Variants in SHQ1 observed in about 807,000 individuals in gnomAD.
SHQ1 encodes SHQ1, H/ACA ribonucleoprotein assembly factor, also known as protein SHQ1 homolog.
In SHQ1, 49 loss-of-function variants were observed where a neutral mutation model predicts 53.8. The observed-to-expected ratio is 0.91, with a 90% confidence interval of 0.72 to 1.16. The LOEUF (loss-of-function observed/expected upper bound fraction) is 1.16, where lower values mean the gene tolerates loss of function less well. Ranked by LOEUF, SHQ1 falls within the 50% of genes most tolerant of loss-of-function variation. The probability of loss-of-function intolerance (pLI) is 0.00; values close to 1 mark genes in which losing one functional copy is unlikely to be tolerated. For synonymous variants in SHQ1, 243 were observed against 251.0 expected (o/e 0.97, Z 0.30); for missense variants, 738 against 683.1 (o/e 1.08, Z -0.90).
At chr3:72,729,430 T>G in the SHQ1 span, among the ~76,000 whole-genome samples, 1 of 152,110 alleles carries the variant, frequency 6.6e-6, no homozygotes, top group Non-Finnish European at 1.5e-5. Flanking sequence ...CCAGTCCAGA[T>G]AAGGCTGCAT....
At chr3:72,736,792 CAAAAAAA>C in the SHQ1 span, among the ~76,000 whole-genome samples, 1 of 105,320 alleles carries the variant, frequency 9.5e-6, no homozygotes, top group East Asian at 2.4e-4. Flanking sequence ...GACTCCGTTT[CAAAAAAA>C]AAAAAAAAAA....
chr3:72,846,095 A>C (rs763012630), intron 1 of SHQ1: 16 of 918,436 alleles, frequency 1.7e-5, no homozygotes, highest in Non-Finnish European at 2.7e-5. Context: ...CAAAGAGCTT[A>C]GTGGCCGGCA....
At chr3:72,834,300 G>T (rs1169601519) in intron 4 of SHQ1, among the ~76,000 whole-genome samples, 1 of 152,164 alleles carries the variant, frequency 6.6e-6, no homozygotes, top group Non-Finnish European at 1.5e-5. Context: ...AGGCCAAGGC[G>T]GGCGGATCAC....
chr3:72,825,050 C>T (rs914684630), intron 5 of SHQ1, among the ~76,000 whole-genome samples: 6 of 151,986 alleles, frequency 3.9e-5, no homozygotes, highest in South Asian at 2.1e-4. Flanking sequence ...ACCCTCCCAC[C>T]GCAGCCTCCC....
chr3:72,843,752 C>CA (rs111748903), intron 2 of SHQ1, among the ~76,000 whole-genome samples: 3,974 of 152,246 alleles, frequency 0.026, 185 homozygotes, highest in African/African-American at 0.092. Flanking sequence ...CCCACCCCCC[C>CA]ATACCCTACC....
intron 5 of SHQ1, among the ~76,000 whole-genome samples, chr3:72,825,710 G>A (rs1203994302): frequency 1.3e-5 from 2 of 152,130 alleles, no homozygotes; most frequent in African/African-American, 4.8e-5. Flanking sequence ...TTATATTTTA[G>A]TTAACTAGAA....
chr3:72,789,054 A>G (rs1298018453), intron 10 of SHQ1, among the ~76,000 whole-genome samples: 2 of 151,788 alleles, frequency 1.3e-5, no homozygotes, highest in African/African-American at 2.4e-5. Context: ...CCTCTCCGAG[A>G]AACACTCAAG....
chr3:72,780,566 G>C (rs1385486117), intron 10 of SHQ1, among the ~76,000 whole-genome samples: 1 of 152,144 alleles, frequency 6.6e-6, no homozygotes, highest in African/African-American at 2.4e-5. Flanking sequence ...GCGAGAAGGT[G>C]TTTTATTCTT....
chr3:72,728,395 T>A, the SHQ1 span, among the ~76,000 whole-genome samples: 1 of 152,208 alleles, frequency 6.6e-6, no homozygotes, highest in Non-Finnish European at 1.5e-5. Flanking sequence ...ACCTGACTCC[T>A]CTGAGGGGCA....
rs535333999 is a variant in SHQ1 at position 72,749,808 on chromosome 3, A to T, written c.*476T>A. ...TTTATCTTCACAGTCGCGGCAAGGA[A>T]AACAAAAGGTATAAACATTCATTGG... On this transcript the variant is annotated 3_prime_UTR_variant, in exon 11 of 11. Coordinates refer to ENST00000325599, the MANE Select transcript of SHQ1 (RefSeq NM_018130.3). The T allele has an allele frequency of 4.5e-6, 1 of 222,684 alleles. No individual in the cohort carries two copies. Among genetic ancestry groups the T allele is most frequent in the Non-Finnish European group, 9.0e-6 (1 of 111,540 alleles). The allele number at this position is 222,684 out of a possible 1,614,324, so 13.8% of individuals were successfully genotyped here.
intron 10 of SHQ1, among the ~76,000 whole-genome samples, chr3:72,783,092 C>G (rs1208100024): frequency 6.6e-6 from 1 of 152,154 alleles, no homozygotes; most frequent in Non-Finnish European, 1.5e-5. Context: ...CATGGCTCCA[C>G]CAAGCCAAAA....
chr3:72,804,780 A>C (rs1213556948), intron 9 of SHQ1, among the ~76,000 whole-genome samples: 1 of 152,206 alleles, frequency 6.6e-6, no homozygotes, highest in Non-Finnish European at 1.5e-5. Context: ...GCTTGAGCCC[A>C]AGAGTTTGAA....
intron 10 of SHQ1, among the ~76,000 whole-genome samples, chr3:72,766,683 A>T (rs550628138): frequency 2.0e-5 from 3 of 152,314 alleles, no homozygotes; most frequent in South Asian, 2.1e-4. Context: ...GCAAACAAGG[A>T]GGAAAGATTT....
chr3:72,840,245 A>G (rs1184813646), intron 4 of SHQ1, among the ~76,000 whole-genome samples: 2 of 75,590 alleles, frequency 2.6e-5, no homozygotes, highest in Non-Finnish European at 5.2e-5. Context: ...TCTGTCTTAA[A>G]AAAAAAAAAA....
chr3:72,754,543 G>A lies in SHQ1; in HGVS notation c.1182-3707C>T, dbSNP rs371075426. On this transcript the variant is annotated intron_variant, in intron 10 of 10. Coordinates refer to ENST00000325599, the MANE Select transcript of SHQ1 (RefSeq NM_018130.3). ...ATTACAGACATGAGCCACCATGCCC[G>A]ACTAATTTTATATTTTTAGTAGAGA... is the stretch of plus-strand genomic sequence containing the variant. Among the ~76,000 whole-genome samples, 700 of 152,040 alleles carry A rather than the reference G, an allele frequency of 4.6e-3. 3 individuals are homozygous for A. Among genetic ancestry groups the A allele is most frequent in the African/African-American group, 6.0e-3 (247 of 41,482 alleles).
intron 9 of SHQ1, among the ~76,000 whole-genome samples, chr3:72,811,163 G>A (rs1434675889): frequency 2.0e-5 from 3 of 152,072 alleles, no homozygotes; most frequent in African/African-American, 7.2e-5. Flanking sequence ...ACAAGCAATA[G>A]TCTGTATATG....
chr3:72,806,514 G>A (rs1357887381), intron 9 of SHQ1, among the ~76,000 whole-genome samples: 1 of 152,190 alleles, frequency 6.6e-6, no homozygotes, highest in East Asian at 1.9e-4. Flanking sequence ...TCTCCCGGGT[G>A]AGGAGCAGGG....
intron 4 of SHQ1, among the ~76,000 whole-genome samples, chr3:72,833,221 T>A (rs1707875250): frequency 6.6e-6 from 1 of 152,080 alleles, no homozygotes; most frequent in Admixed American, 6.5e-5. Context: ...GCAGGCAGAC[T>A]GCTTGAGCCC....
At chr3:72,771,638 A>G (rs931038462) in intron 10 of SHQ1, among the ~76,000 whole-genome samples, 1 of 152,234 alleles carries the variant, frequency 6.6e-6, no homozygotes, top group African/African-American at 2.4e-5. Flanking sequence ...GGACCAAAAA[A>G]TAAAGGGAGG....
Sources: gnomAD v4.1 joint callset for allele counts (sites outside exome capture counted in the v4.1 genomes callset) on GRCh38, gnomAD v4.1.1 for gene constraint, MANE v1.5 for transcripts, NCBI Gene and HGNC (gene_info 2026-07-23, HGNC 2026-07-21) for gene names.